The following TMEFF2 variants were observed in gnomAD, a reference collection of about 807,000 sequenced individuals.
The protein encoded by TMEFF2 is transmembrane protein with EGF like and two follistatin like domains 2.
A neutral mutation model predicts 53.8 loss-of-function variants in TMEFF2; 28 were observed. That is an observed-to-expected ratio of 0.52 (90% CI 0.39 to 0.71). The LOEUF is 0.71. Among genes scored for constraint, TMEFF2 ranks in the 30% least tolerant of loss-of-function variants. The pLI, the probability that TMEFF2 is intolerant of heterozygous loss-of-function variation, is 0.00. For synonymous variants in TMEFF2, 162 were observed against 166.3 expected, an observed-to-expected ratio of 0.97 and a Z score of 0.20; for missense variants, 353 against 455.2, an observed-to-expected ratio of 0.78 and a Z score of 2.04.
intron 4 of TMEFF2, among the ~76,000 whole-genome samples, chr2:192,083,974 C>T (rs1688610763): frequency 6.6e-6 from 1 of 152,058 alleles, no homozygotes; most frequent in Non-Finnish European, 1.5e-5. Context: ...GCTCTTATTA[C>T]TACCACCACT....
chr2:191,977,058 G>A (rs777940083), intron 7 of TMEFF2, among the ~76,000 whole-genome samples: 4 of 152,216 alleles, frequency 2.6e-5, no homozygotes, highest in Non-Finnish European at 4.4e-5. Context: ...CACATAGTAA[G>A]TGCTCAATAA....
chr2:192,158,334 T>C (rs979957351), intron 4 of TMEFF2, among the ~76,000 whole-genome samples: 5 of 150,448 alleles, frequency 3.3e-5, no homozygotes, highest in African/African-American at 1.2e-4. Flanking sequence ...CTCTGATATA[T>C]TGTGTGTCAA....
At chr2:191,990,699 T>G (rs1686083067) in intron 7 of TMEFF2, among the ~76,000 whole-genome samples, 1 of 151,134 alleles carries the variant, frequency 6.6e-6, no homozygotes, top group Non-Finnish European at 1.5e-5. Context: ...TCTTCCATGC[T>G]AAATAGACCT....
At chr2:191,998,090 T>C (rs1686266098) in intron 7 of TMEFF2, among the ~76,000 whole-genome samples, 172 bp downstream of exon 7, 1 of 151,968 alleles carries the variant, frequency 6.6e-6, no homozygotes, top group Admixed American at 6.6e-5. Flanking sequence ...ATGTCTTCTT[T>C]GCTTCAACAA....
intron 8 of TMEFF2, among the ~76,000 whole-genome samples, chr2:191,955,457 TC>T (rs995793528): frequency 1.4e-5 from 2 of 147,230 alleles, no homozygotes; most frequent in Admixed American, 6.9e-5. Context: ...CAAGGGATCA[TC>T]CCATCTCAGC....
At chr2:192,048,175 G>C in intron 5 of TMEFF2, among the ~76,000 whole-genome samples, 1 of 151,320 alleles carries the variant, frequency 6.6e-6, no homozygotes, top group East Asian at 1.9e-4. Context: ...TTTTTTAGAA[G>C]TGCTGAAAAT....
chr2:192,004,357 C>A (rs1686447152), intron 5 of TMEFF2, among the ~76,000 whole-genome samples: 1 of 152,190 alleles, frequency 6.6e-6, no homozygotes, highest in South Asian at 2.1e-4. Context: ...ATGTTTTCAC[C>A]AGGCAGGCTA....
chr2:192,137,545 C>G (rs1476362623), intron 4 of TMEFF2, among the ~76,000 whole-genome samples: 3 of 151,926 alleles, frequency 2.0e-5, no homozygotes, highest in Non-Finnish European at 4.4e-5. Context: ...GGTCGACTTA[C>G]AGAAGAATGG....
At chr2:192,162,738 T>A (rs1396169029) in intron 4 of TMEFF2, among the ~76,000 whole-genome samples, 2 of 152,148 alleles carry the variant, frequency 1.3e-5, no homozygotes, top group Admixed American at 6.5e-5. Flanking sequence ...AATGAGCTTT[T>A]AAAAACCAAA....
intron 4 of TMEFF2, among the ~76,000 whole-genome samples, chr2:192,176,450 C>T (rs1013811103): frequency 2.0e-5 from 3 of 151,224 alleles, no homozygotes; most frequent in East Asian, 1.9e-4. Flanking sequence ...CAGCGAAATG[C>T]GACAGCCAAA....
intron 4 of TMEFF2, among the ~76,000 whole-genome samples, chr2:192,130,417 G>A (rs1004925859): frequency 3.9e-5 from 6 of 152,044 alleles, no homozygotes; most frequent in East Asian, 1.9e-4. Flanking sequence ...TCAAGCCATC[G>A]CATCCCCTGT....
intron 5 of TMEFF2, among the ~76,000 whole-genome samples, chr2:192,054,548 C>A (rs1053323407): frequency 4.6e-5 from 7 of 152,068 alleles, no homozygotes; most frequent in Non-Finnish European, 8.8e-5. Context: ...TACCATGGAT[C>A]TGAACTTTTG....
chr2:192,030,421 T>G (rs2105871566), intron 5 of TMEFF2: 1 of 152,188 alleles, frequency 6.6e-6, no homozygotes, highest in East Asian at 1.9e-4. Flanking sequence ...ATACAGAGGC[T>G]TACTCATTTC....
chr2:192,146,880 T>A (rs1454154398), intron 4 of TMEFF2, among the ~76,000 whole-genome samples: 1 of 152,088 alleles, frequency 6.6e-6, no homozygotes, highest in Non-Finnish European at 1.5e-5. Context: ...TGTCTATGAG[T>A]CTGCAGGGGA....
chr2:191,964,362 T>TTCTTTCTTTCTTTCTTTCTTTC (rs1692384510), intron 7 of TMEFF2, among the ~76,000 whole-genome samples: 2 of 101,032 alleles, frequency 2.0e-5, no homozygotes, highest in African/African-American at 9.0e-5. Context: ...CTTTCTTTCT[T>TTCTTTCTTTCTTTCTTTCTTTC]TCTTTCTTTC....
intron 4 of TMEFF2, among the ~76,000 whole-genome samples, chr2:192,174,896 TGGAGA>T (rs1691001548): frequency 6.6e-6 from 1 of 151,670 alleles, no homozygotes. Flanking sequence ...GTATGCTGGT[TGGAGA>T]GGGAATTAGT....
At chr2:192,163,119 T>C (rs866454454) in intron 4 of TMEFF2, among the ~76,000 whole-genome samples, 2 of 152,212 alleles carry the variant, frequency 1.3e-5, no homozygotes, top group Non-Finnish European at 2.9e-5. Context: ...TCTATATTGC[T>C]CTGTGAACTG....
intron 7 of TMEFF2, among the ~76,000 whole-genome samples, chr2:191,997,949 A>T (rs761567373): frequency 6.6e-6 from 1 of 151,940 alleles, no homozygotes; most frequent in Non-Finnish European, 1.5e-5. Flanking sequence ...ATTGCCAGAA[A>T]TTGCATTCAT....
At chr2:192,180,766 A>G (rs548896567) in intron 3 of TMEFF2, among the ~76,000 whole-genome samples, 33 of 151,868 alleles carry the variant, frequency 2.2e-4, no homozygotes, top group African/African-American at 7.9e-4. Context: ...GAAAATCCAC[A>G]GAAGGCTGAC....
Sources: gnomAD v4.1 joint callset for allele counts (sites outside exome capture counted in the v4.1 genomes callset) on GRCh38, gnomAD v4.1.1 for gene constraint, MANE v1.5 for transcripts, NCBI Gene and HGNC (gene_info 2026-07-23, HGNC 2026-07-21) for gene names.